TSC2: variants seen among roughly 807,000 people sequenced by gnomAD.
The protein encoded by TSC2 is TSC complex subunit 2.
TSC2 carries 29 observed loss-of-function variants against 202.2 expected under a neutral mutation model. The ratio of observed to expected loss-of-function variants is 0.14; its 90% CI spans 0.11 to 0.20. TSC2 has a LOEUF of 0.20. Ranked by LOEUF, TSC2 falls within the 10% of genes least tolerant of loss-of-function variation. The pLI is 1.00. For missense variants in TSC2, 2,429 were observed against 2,420.0 expected (o/e 1.00, Z -0.08); for synonymous variants, 1,349 against 1,044.0 (o/e 1.29, Z -5.63).
rs778332133 is a variant in TSC2, at chr16:2,084,960, C to T, written c.4503C>T (p.Phe1501=). 3 of 1,613,330 alleles carry T rather than the reference C, an allele frequency of 1.9e-6. No individual in the cohort carries two copies. The highest frequency in any genetic ancestry group is 4.5e-5 in the East Asian group (2 of 44,884). Residue 1501 remains phenylalanine, a synonymous_variant, in exon 35 of 42, where the codon TTC becomes TTT. Coordinates refer to ENST00000219476, the MANE Select transcript of TSC2 (RefSeq NM_000548.5). Reference sequence around the variant, plus strand: ...TCCCCTCCCTGTGCAGTTTCGTGTTCCTGCAGCTCTACCATTCCCCCTTCT... The same window carrying T: ...TCCCCTCCCTGTGCAGTTTCGTGTTTCTGCAGCTCTACCATTCCCCCTTCT... ...KVPGINPSFV[F]LQLYHSPFFG... is the part of the protein sequence containing the mutation.
At chr16:2,086,464 C>A (rs1313661061) in intron 37 of TSC2, 85 bp downstream of exon 37, 6 of 1,537,614 alleles carry the variant, frequency 3.9e-6, no homozygotes, top group Non-Finnish European at 5.3e-6. Context: ...CGCCCTGGGG[C>A]ATGGCCCTGG....
At chr16:2,071,448 A>T in intron 17 of TSC2, 62 bp from the exon 18 acceptor site, 1 of 1,586,962 alleles carries the variant, frequency 6.3e-7, no homozygotes, top group Non-Finnish European at 8.6e-7. Flanking sequence ...AGCAGGTGGG[A>T]CGCCGCCTGT....
chr16:2,051,484 G>A (rs911196785), intron 3 of TSC2, among the ~76,000 whole-genome samples: 14 of 152,154 alleles, frequency 9.2e-5, no homozygotes, highest in African/African-American at 3.1e-4. Flanking sequence ...GTGACTGGTC[G>A]GTGGTATTGG....
intron 6 of TSC2, chr16:2,055,843 A>T: frequency 2.2e-6 from 1 of 454,502 alleles, no homozygotes; most frequent in Non-Finnish European, 4.0e-6. Context: ...GTGAGCGGAG[A>T]TCGTGCCACT....
rs142285430 is a variant in TSC2, at chr16:2,088,881, G to GCGCACACACACACA, written c.*272_*273insGCACACACACACAC. The GCGCACACACACACA allele has an allele frequency of 2.6e-5, 11 of 421,378 alleles. No homozygotes were observed. The highest frequency in any genetic ancestry group is 1.3e-4 in the African/African-American group (6 of 44,578). The allele number at this position is 421,378 out of a possible 1,614,324, so 26.1% of individuals were successfully genotyped here. A position where few individuals can be genotyped will look rare whatever the true frequency, so the allele number is the denominator to read the frequency against. On this transcript the variant is annotated 3_prime_UTR_variant, in exon 42 of 42. Transcript: ENST00000219476. ...ACAGCACACTCGCGCGTGCGCGCGCGCACACACACACACACACAGTCACCT... is the reference window on the plus strand; with the variant it reads ...ACAGCACACTCGCGCGTGCGCGCGCGCGCACACACACACACACACACACACACACACAGTCACCT...
chr16:2,088,196 TAGTG>T lies in TSC2; in HGVS notation c.5161-28_5161-25del, dbSNP rs1799758. ...TGGGACAGGCCCAGGTGCCACCTGA[TAGTG>T]AGCTCACCCCCTGCCTACGTCCCCA... On this transcript the variant is annotated intron_variant, in intron 40 of 41. Coordinates refer to ENST00000219476, the MANE Select transcript of TSC2 (RefSeq NM_000548.5). 0.01 allele frequency: 16,272 copies of T among 1,612,902 alleles called. 128 individuals are homozygous for T. Among genetic ancestry groups the T allele is most frequent in the South Asian group, 0.016 (1,488 of 91,082 alleles).
At position 2,079,061 on chromosome 16, in the gene TSC2, G is replaced by A. The variant is rs149808366; in HGVS notation, c.2996G>A (p.Ser999Asn). Reference sequence around the variant, plus strand: ...ATACAGACGTCCCTCACCAGTGCCAGCTTGGGGTCTGCAGATGAGAACTCC... The same window carrying A: ...ATACAGACGTCCCTCACCAGTGCCAACTTGGGGTCTGCAGATGAGAACTCC... ...SRIQTSLTSA[S>N]LGSADENSVA... The change falls in exon 27 of 42, where the codon AGC (serine) becomes AAC (asparagine). Residue 999 changes from serine (S) to asparagine (N), a missense_variant. Physicochemically the swap from Ser to Asn is conservative, Grantham distance 46. Transcript: ENST00000219476. This position sits in a 1 kb window ranked among gnomAD's most constrained non-coding sequence, Gnocchi z 4.6. 2.5e-6 allele frequency: 4 copies of A among 1,612,838 alleles called. No homozygotes were observed. In the African/African-American group the frequency reaches 4.0e-5, roughly 16 times the overall value.
intron 38 of TSC2, 103 bp downstream of exon 38, chr16:2,086,974 C>T (rs535584737): frequency 1.3e-5 from 19 of 1,516,046 alleles, no homozygotes; most frequent in Non-Finnish European, 1.4e-5. Flanking sequence ...TCACGAGGAG[C>T]AGGAGGAGAG....
chr16:2,078,408 G>C (rs907238001), intron 26 of TSC2: 1 of 167,878 alleles, frequency 6.0e-6, no homozygotes, highest in African/African-American at 2.4e-5. Flanking sequence ...CTCACCTCAG[G>C]CCGGCCTCTG....
chr16:2,062,688 C>T (rs1024724705), intron 13 of TSC2, 88 bp downstream of exon 13: 42 of 1,369,260 alleles, frequency 3.1e-5, no homozygotes, highest in African/African-American at 1.9e-4. Context: ...TCAGGATGCC[C>T]GATGAGCAGG....
Position 2,071,805 on chromosome 16 carries a change from G to A in TSC2, c.1968G>A (p.Glu656=), listed in dbSNP as rs761781650. The A allele has an allele frequency of 5.0e-6, 8 of 1,605,422 alleles. No homozygotes were observed. In the South Asian group the frequency reaches 5.6e-5, roughly 11 times the overall value. Reference sequence around the variant, plus strand: ...GCAGGGAGCCAGAGAGAGGCTCTGAGAAGAAGACCAGCGGCCCCCTTTCTC... The same window carrying A: ...GCAGGGAGCCAGAGAGAGGCTCTGAAAAGAAGACCAGCGGCCCCCTTTCTC... ...CDYMEPERGS[E]KKTSGPLSPP... is the part of the protein sequence containing the mutation. Residue 656 remains glutamate, a synonymous_variant, in exon 19 of 42, where the codon GAG becomes GAA. Transcript: ENST00000219476.
chr16:2,053,673 A>C, intron 4 of TSC2: 1 of 671,760 alleles, frequency 1.5e-6, no homozygotes, highest in Non-Finnish European at 2.7e-6. Context: ...TGGTCACTGC[A>C]CCTTCCTCTT....
chr16:2,078,169 G>A (rs556479923), intron 26 of TSC2: 24 of 244,798 alleles, frequency 9.8e-5, no homozygotes, highest in Non-Finnish European at 1.7e-4. Flanking sequence ...GGCAGCCTGG[G>A]AGGGCCTGGG....
rs765447466 is a variant in TSC2 at position 2,084,650 on chromosome 16, G to A, written c.4428G>A (p.Glu1476=). Residue 1476 remains glutamate, a synonymous_variant, in exon 34 of 42, where the codon GAG becomes GAA. Transcript: ENST00000219476. ...SAPSRRGKRV[E]RDALKSRATA... ...CATCACGCAGGGGCAAGAGAGTAGAGAGGGACGCCTTAAAGAGCAGAGCCA... is the reference window on the plus strand; with the variant it reads ...CATCACGCAGGGGCAAGAGAGTAGAAAGGGACGCCTTAAAGAGCAGAGCCA... The A allele has an allele frequency of 1.3e-6, 2 of 1,599,500 alleles. No individual in the cohort carries two copies. The highest frequency in any genetic ancestry group is 4.5e-5 in the East Asian group (2 of 44,862).
chr16:2,062,049 G>T, intron 12 of TSC2, 41 bp downstream of exon 12: 7 of 1,613,254 alleles, frequency 4.3e-6, no homozygotes, highest in Non-Finnish European at 5.9e-6. Context: ...GCTTTGGCTG[G>T]TGGGGAGGGG....
chr16:2,067,034 T>C (rs368810875), intron 16 of TSC2, among the ~76,000 whole-genome samples: 221 of 152,300 alleles, frequency 1.5e-3, no homozygotes, highest in African/African-American at 5.1e-3. Flanking sequence ...TAAAATATAA[T>C]GTATGAATCA....
intron 14 of TSC2, 22 bp downstream of exon 14, chr16:2,063,075 G>C (rs1488902629): frequency 6.4e-7 from 1 of 1,551,278 alleles, no homozygotes. Context: ...GGCGGCCGCA[G>C]CTGGGGGCTC....
chr16:2,056,036 C>A, intron 6 of TSC2, 160 bp from the exon 7 acceptor site: 1 of 800,868 alleles, frequency 1.2e-6, no homozygotes, highest in Non-Finnish European at 2.1e-6. Flanking sequence ...AGAGCAGTGG[C>A]TGGCGCACAG....
At chr16:2,074,155 C>G (rs779782243) in intron 21 of TSC2, 45 bp from the exon 22 acceptor site, 8 of 1,607,996 alleles carry the variant, frequency 5.0e-6, no homozygotes, top group Non-Finnish European at 6.8e-6. Context: ...GCGAGGCTGC[C>G]TCTGCTGCAA....
Sources: gnomAD v4.1 joint callset for allele counts (sites outside exome capture counted in the v4.1 genomes callset) on GRCh38, gnomAD v4.1.1 for gene constraint, Gnocchi (gnomAD v3.1) non-coding constraint, MANE v1.5 for transcripts, NCBI Gene and HGNC (gene_info 2026-07-23, HGNC 2026-07-21) for gene names.